The following FAM13A variants were observed in gnomAD, a reference collection of about 807,000 sequenced individuals.
FAM13A encodes the protein protein FAM13A.
Under a neutral mutation model 129.6 loss-of-function variants are expected in FAM13A, and 76 were observed. The ratio of observed to expected loss-of-function variants is 0.59; its 90% CI spans 0.49 to 0.71. The LOEUF is 0.71. Ranked by LOEUF, FAM13A falls within the 30% of genes least tolerant of loss-of-function variation. The pLI is 0.00. For synonymous variants in FAM13A, 443 were observed against 449.9 expected (o/e 0.98, Z 0.20); for missense variants, 1,108 against 1,249.3 (o/e 0.89, Z 1.70).
intron 6 of FAM13A, among the ~76,000 whole-genome samples, chr4:88,895,702 A>C (rs1336413957): frequency 1.6e-5 from 2 of 123,920 alleles, no homozygotes; most frequent in Admixed American, 8.9e-5. Context: ...GAGAAATGCA[A>C]ATCAAAACCA....
At chr4:88,970,309 G>C (rs1377683931) in intron 4 of FAM13A, among the ~76,000 whole-genome samples, 1 of 151,976 alleles carries the variant, frequency 6.6e-6, no homozygotes, top group Non-Finnish European at 1.5e-5. Context: ...GATTCTTATG[G>C]ATGGCTCCTG....
chr4:88,739,110 G>A lies in FAM13A; in HGVS notation c.2482C>T (p.Arg828Trp), dbSNP rs200222917. The change falls in exon 20 of 24, where the codon CGG becomes TGG. Residue 828 changes from arginine to tryptophan, a missense_variant. By Grantham distance (101) the Arg-to-Trp change is moderately radical. Transcript: ENST00000264344. ...TCGTATAGTGGCTTCATCACCTGCC[G>A]TTCGTTCTTTGTTACCTGAAAAGCA... ...IHGRPVTKNE[R>W]QVMKPLYDRY... 4 of 1,613,322 alleles carry A rather than the reference G, an allele frequency of 2.5e-6. No homozygotes were observed. Among genetic ancestry groups the A allele is most frequent in the Non-Finnish European group, 3.4e-6 (4 of 1,179,514 alleles).
At chr4:88,858,619 A>C (rs906551997) in intron 6 of FAM13A, among the ~76,000 whole-genome samples, 4 of 152,230 alleles carry the variant, frequency 2.6e-5, no homozygotes, top group African/African-American at 9.6e-5. Context: ...ACATTATGCC[A>C]AGTGAAAGGA....
At position 89,020,673 on chromosome 4, in the gene FAM13A, G is replaced by C. The variant is rs761145044; in HGVS notation, c.218-4C>G. ...AAAAGACCTTCTTGGGTAAGTCCTGGAAGAGCAAAGTAGGCACAGAAAATA... is the reference window on the plus strand; with the variant it reads ...AAAAGACCTTCTTGGGTAAGTCCTGCAAGAGCAAAGTAGGCACAGAAAATA... On this transcript the variant is annotated splice_region_variant and splice_polypyrimidine_tract_variant and intron_variant, in intron 2 of 23. Coordinates refer to ENST00000264344, the MANE Select transcript of FAM13A (RefSeq NM_014883.4). The C allele has an allele frequency of 1.9e-6, 3 of 1,604,546 alleles. No individual in the cohort carries two copies. Among genetic ancestry groups the C allele is most frequent in the African/African-American group, 2.7e-5 (2 of 74,732 alleles).
intron 6 of FAM13A, among the ~76,000 whole-genome samples, chr4:88,901,949 C>T (rs1387557893): frequency 1.3e-5 from 2 of 151,850 alleles, no homozygotes; most frequent in Non-Finnish European, 2.9e-5. Context: ...CCAGAGAATA[C>T]TATATAACAA....
intron 8 of FAM13A, among the ~76,000 whole-genome samples, chr4:88,791,725 C>G (rs545206440): frequency 6.6e-6 from 1 of 152,024 alleles, no homozygotes; most frequent in Non-Finnish European, 1.5e-5. Flanking sequence ...CTAATTTATA[C>G]GATATAATTT....
chr4:88,953,761 A>G (rs1757313207), intron 4 of FAM13A, among the ~76,000 whole-genome samples: 1 of 152,348 alleles, frequency 6.6e-6, no homozygotes, highest in East Asian at 1.9e-4. Context: ...CACTGAGCAT[A>G]ACATCCCAAG....
At position 88,820,971 on chromosome 4, in the gene FAM13A, G is replaced by C. The variant is rs1406503745; in HGVS notation, c.1008-15919C>G. Among the ~76,000 whole-genome samples the C allele has an allele frequency of 2.6e-5, 4 of 152,244 alleles. No homozygotes were observed. In the East Asian group the frequency reaches 7.7e-4, roughly 29 times the overall value. On this transcript the variant is annotated intron_variant, in intron 7 of 23. Coordinates refer to ENST00000264344, the MANE Select transcript of FAM13A (RefSeq NM_014883.4). ...GTGCTCTTAAACAGAATGGAACAAA[G>C]CACTCCTTCCAAGAATACTGCTAAG...
chr4:88,798,455 C>T (rs1726701769), intron 8 of FAM13A, among the ~76,000 whole-genome samples: 1 of 152,222 alleles, frequency 6.6e-6, no homozygotes, highest in South Asian at 2.1e-4. Context: ...AAACACAACT[C>T]GGCTCTAGAT....
rs891039407 is a variant in FAM13A, at chr4:88,822,854, T to A, written c.1008-17802A>T. ...TCTGTTCTTAGGGAGGAACCATATG[T>A]ACAACGGACTCTACACACTTTGCAG... On this transcript the variant is annotated intron_variant, in intron 7 of 23. Coordinates refer to ENST00000264344, the MANE Select transcript of FAM13A (RefSeq NM_014883.4). The A allele has an allele frequency of 3.7e-5, 52 of 1,398,150 alleles. 1 individual carries two copies. In the African/African-American group the frequency reaches 7.4e-4, roughly 20 times the overall value. The allele number at this position is 1,398,150 out of a possible 1,614,324, so 86.6% of individuals were successfully genotyped here. A position where few individuals can be genotyped will look rare whatever the true frequency, so the allele number is the denominator to read the frequency against.
In FAM13A at chr4:88,737,458, G is replaced by C. The variant is rs769078783; in HGVS notation, c.2646+14C>G. On this transcript the variant is annotated intron_variant, in intron 21 of 23. Transcript: ENST00000264344. The stretch of plus-strand genomic sequence containing the variant: ...GTGCGGATTTAGCAATGGGTTAGCA[G>C]CTGGGGTCTTCACCTTTATCTCCTT... The C allele has an allele frequency of 3.1e-6, 5 of 1,610,812 alleles. No homozygotes were observed. The highest frequency in any genetic ancestry group is 3.4e-6 in the Non-Finnish European group (4 of 1,177,240).
At chr4:88,846,218 C>T (rs1304507188) in intron 7 of FAM13A, among the ~76,000 whole-genome samples, 1 of 152,166 alleles carries the variant, frequency 6.6e-6, no homozygotes, top group African/African-American at 2.4e-5. Context: ...TTGTCTTAAT[C>T]CCAGTAGCAA....
chr4:88,940,049 A>G (rs1331323694), intron 4 of FAM13A, among the ~76,000 whole-genome samples: 1 of 152,172 alleles, frequency 6.6e-6, no homozygotes, highest in African/African-American at 2.4e-5. Context: ...AAATTGTGAG[A>G]TAGCAAATGT....
At chr4:89,020,340 C>G (rs1036696598) in intron 3 of FAM13A, 120 bp downstream of exon 3, 6 of 466,524 alleles carry the variant, frequency 1.3e-5, no homozygotes, top group Non-Finnish European at 2.2e-5. Context: ...TGGTCTTCAA[C>G]TCCTGGCTTC....
Position 88,851,030 on chromosome 4 carries a change from A to G in FAM13A, c.997T>C (p.Leu333=), listed in dbSNP as rs989478205. Residue 333 remains leucine, a synonymous_variant, in exon 7 of 24, where the codon TTG becomes CTG. Coordinates refer to ENST00000264344, the MANE Select transcript of FAM13A (RefSeq NM_014883.4). The part of the protein sequence containing the change: ...NSAEGAISAK[L]VPSSQEDERP... The stretch of plus-strand genomic sequence containing the variant: ...AGAAAACATGCCAACCTGGGTACCA[A>G]CTTGGCACTAATAGCACCCTCTGCT... 1 of 1,613,908 alleles carries G rather than the reference A, an allele frequency of 6.2e-7. No individual in the cohort carries two copies. Among genetic ancestry groups the G allele is most frequent in the Non-Finnish European group, 8.5e-7 (1 of 1,179,840 alleles).
intron 5 of FAM13A, among the ~76,000 whole-genome samples, chr4:88,910,749 A>G (rs1296808271): frequency 6.6e-6 from 1 of 151,594 alleles, no homozygotes; most frequent in African/African-American, 2.4e-5. Flanking sequence ...TCCTGGGTTC[A>G]AGCGATTCTC....
At position 88,728,638 on chromosome 4, in the gene FAM13A, G is replaced by A. The variant is rs776617204; in HGVS notation, c.2967C>T (p.Arg989=). 2 of 1,614,048 alleles carry A rather than the reference G, an allele frequency of 1.2e-6. No individual in the cohort carries two copies. Among genetic ancestry groups the A allele is most frequent in the African/African-American group, 2.7e-5 (2 of 74,940 alleles). The change falls in exon 24 of 24, where the codon CGC becomes CGT. Residue 989 remains arginine (R), a synonymous_variant. Coordinates refer to ENST00000264344, the MANE Select transcript of FAM13A (RefSeq NM_014883.4). Reference sequence around the variant, plus strand: ...CACTGTATTCTTCAGCCATAGGAGTGCGGTCTTCCTTCTGGACATTTCTAA... The same window carrying A: ...CACTGTATTCTTCAGCCATAGGAGTACGGTCTTCCTTCTGGACATTTCTAA... The part of the protein sequence containing the change: ...QNGRNVQKED[R]TPMAEEYSEY...
rs575636410 is a variant in FAM13A, at chr4:88,926,213, T to C, written c.759+11875A>G. On this transcript the variant is annotated intron_variant, in intron 5 of 23. Coordinates refer to ENST00000264344, the MANE Select transcript of FAM13A (RefSeq NM_014883.4). Reference sequence around the variant, plus strand: ...TTTACACCCCCACAGTTTTCAGCCATGGGTAAGGCTTACCCCCCATCCCTG... The same window carrying C: ...TTTACACCCCCACAGTTTTCAGCCACGGGTAAGGCTTACCCCCCATCCCTG... Among the ~76,000 whole-genome samples, 248 of 152,266 alleles carry C rather than the reference T, an allele frequency of 1.6e-3. 1 individual carries two copies. The highest frequency in any genetic ancestry group is 5.7e-3 in the African/African-American group (236 of 41,546).
rs73841659 is a variant in FAM13A at position 88,729,788 on chromosome 4, A to G, written c.2946-1129T>C. The G allele has an allele frequency of 2.2e-4, 34 of 152,350 alleles. 1 individual carries two copies. Among genetic ancestry groups the G allele is most frequent in the African/African-American group, 7.5e-4 (31 of 41,592 alleles). 9.4% of individuals were successfully genotyped at this position (152,350 alleles called of 1,614,324 possible). On this transcript the variant is annotated intron_variant, in intron 23 of 23. Transcript: ENST00000264344. ...GGGTGGTTTGCGTAATTCTACATGT[A>G]TAAGATATCTGTGCATAATGTGACT...
Sources: allele counts gnomAD v4.1 joint callset (sites outside exome capture counted in the v4.1 genomes callset), GRCh38; gene constraint gnomAD v4.1.1; transcripts MANE v1.5; gene names NCBI Gene and HGNC (gene_info 2026-07-23, HGNC 2026-07-21).